KIRREL3: variants seen among roughly 807,000 people sequenced by gnomAD.
The protein encoded by KIRREL3 is kin of IRRE-like protein 3.
KIRREL3 carries 36 observed loss-of-function variants against 89.7 expected under a neutral mutation model. The observed-to-expected ratio is 0.40, with a 90% CI of 0.31 to 0.53. KIRREL3 has a LOEUF of 0.53. KIRREL3 is among the 20% of genes least tolerant of loss of function. The probability of loss-of-function intolerance (pLI) is 0.49; values close to 1 mark genes in which losing one functional copy is unlikely to be tolerated. For missense variants in KIRREL3, 864 were observed against 1,056.6 expected (o/e 0.82, Z 2.53); for synonymous variants, 445 against 441.4 (o/e 1.01, Z -0.10).
rs960530731 is a variant in KIRREL3 at position 126,909,298 on chromosome 11, G to A, written c.55+91157C>T. Among the ~76,000 whole-genome samples, 28 of 152,302 alleles carry A rather than the reference G, an allele frequency of 1.8e-4. No individual in the cohort carries two copies. Among genetic ancestry groups the A allele is most frequent in the African/African-American group, 6.7e-4 (28 of 41,576 alleles). On this transcript the variant is annotated intron_variant, in intron 1 of 16. Coordinates refer to ENST00000525144, the MANE Select transcript of KIRREL3 (RefSeq NM_032531.4). The surrounding 1 kb of genome is among the most constrained non-coding windows in gnomAD (Gnocchi z 4.5). Reference sequence around the variant, plus strand: ...GCCTGGGACTCTTTACATTATAAGTGTGTGGCCCTGGGATCAACTGTGGAC... The same window carrying A: ...GCCTGGGACTCTTTACATTATAAGTATGTGGCCCTGGGATCAACTGTGGAC...
intron 1 of KIRREL3, among the ~76,000 whole-genome samples, chr11:126,743,972 C>G (rs1949061617): frequency 6.6e-6 from 1 of 152,216 alleles, no homozygotes; most frequent in African/African-American, 2.4e-5. Context: ...TATATTTCTG[C>G]TTGGCTTCAT....
intron 2 of KIRREL3, among the ~76,000 whole-genome samples, chr11:126,533,568 G>A (rs925899197): frequency 1.3e-5 from 2 of 152,214 alleles, no homozygotes; most frequent in South Asian, 2.1e-4. Context: ...CTGAGAAGGT[G>A]AGCGCAGACC....
At chr11:126,982,087 A>C (rs1014314320) in intron 1 of KIRREL3, among the ~76,000 whole-genome samples, 7 of 152,168 alleles carry the variant, frequency 4.6e-5, no homozygotes, top group Non-Finnish European at 5.9e-5. Flanking sequence ...AGAGATCCAG[A>C]CCCAGCCTCA....
At position 126,496,039 on chromosome 11, in the gene KIRREL3, C is replaced by G. The variant is rs1289644796; in HGVS notation, c.434-22573G>C. Among the ~76,000 whole-genome samples the G allele has an allele frequency of 6.6e-6, 1 of 152,200 alleles. No homozygotes were observed. Among genetic ancestry groups the G allele is most frequent in the Non-Finnish European group, 1.5e-5 (1 of 68,038 alleles). ...TAGCCCAGGCAACAGACATGTGACCCCAGCCCCTCCTATGTCTGATTGCAG... is the reference window on the plus strand; with the variant it reads ...TAGCCCAGGCAACAGACATGTGACCGCAGCCCCTCCTATGTCTGATTGCAG... On this transcript the variant is annotated intron_variant, in intron 4 of 16. Coordinates refer to ENST00000525144, the MANE Select transcript of KIRREL3 (RefSeq NM_032531.4). The surrounding 1 kb of genome is among the most constrained non-coding windows in gnomAD (Gnocchi z 4.9).
At position 126,643,685 on chromosome 11, in the gene KIRREL3, C is replaced by T. The variant is rs1192831152; in HGVS notation, c.56-80773G>A. 5.9e-5 allele frequency among the ~76,000 whole-genome samples: 9 copies of T among 152,130 alleles called. No individual in the cohort carries two copies. The highest frequency in any genetic ancestry group is 7.3e-5 in the Non-Finnish European group (5 of 68,042). On this transcript the variant is annotated intron_variant, in intron 1 of 16. Coordinates refer to ENST00000525144, the MANE Select transcript of KIRREL3 (RefSeq NM_032531.4). The surrounding 1 kb of genome is among the most constrained non-coding windows in gnomAD (Gnocchi z 4.5). ...TGGCAACACAATGAGTAGGATTGTA[C>T]TGAAGATGAATTGGAGATAGGGAGA...
At chr11:126,502,465 A>T (rs942934957) in intron 4 of KIRREL3, among the ~76,000 whole-genome samples, 2 of 152,228 alleles carry the variant, frequency 1.3e-5, no homozygotes, top group African/African-American at 4.8e-5. Flanking sequence ...AATTCAATTA[A>T]GCCCTGGTTC....
Position 126,586,258 on chromosome 11 carries a change from C to T in KIRREL3, c.56-23346G>A, listed in dbSNP as rs543215369. Reference sequence around the variant, plus strand: ...CTCATGTGTCCTTGTTCATGAGGAACATAGAGCTAAAATCAATAAAAATCA... The same window carrying T: ...CTCATGTGTCCTTGTTCATGAGGAATATAGAGCTAAAATCAATAAAAATCA... On this transcript the variant is annotated intron_variant, in intron 1 of 16. Transcript: ENST00000525144. 1.8e-4 allele frequency among the ~76,000 whole-genome samples: 28 copies of T among 152,304 alleles called. No individual in the cohort carries two copies. The South Asian group carries it at 5.8e-3, about 32-fold the overall frequency.
At chr11:126,745,075 C>G (rs1949099789) in intron 1 of KIRREL3, among the ~76,000 whole-genome samples, 1 of 152,086 alleles carries the variant, frequency 6.6e-6, no homozygotes, top group Non-Finnish European at 1.5e-5. Flanking sequence ...CCTTCCACGC[C>G]AGGTATCACC....
intron 2 of KIRREL3, among the ~76,000 whole-genome samples, chr11:126,534,635 C>T (rs538254200): frequency 4.5e-4 from 69 of 152,254 alleles, no homozygotes; most frequent in East Asian, 3.5e-3. Context: ...CTGCAGGGGC[C>T]GAGAGAGCAC....
chr11:126,822,617 T>C (rs1033214120), intron 1 of KIRREL3, among the ~76,000 whole-genome samples: 2 of 152,370 alleles, frequency 1.3e-5, no homozygotes, highest in Non-Finnish European at 2.9e-5. Flanking sequence ...ACCACTATTA[T>C]AGCTCATAAT....
intron 4 of KIRREL3, among the ~76,000 whole-genome samples, chr11:126,488,440 G>A (rs1957423711): frequency 6.6e-6 from 1 of 152,254 alleles, no homozygotes; most frequent in African/African-American, 2.4e-5. Flanking sequence ...GATTAAAGGA[G>A]AAGATGTAGT....
intron 1 of KIRREL3, among the ~76,000 whole-genome samples, chr11:126,855,137 C>T (rs1944467448): frequency 6.6e-6 from 1 of 152,164 alleles, no homozygotes; most frequent in Non-Finnish European, 1.5e-5. Flanking sequence ...TGCTCTTAGC[C>T]CCTCCTGCAA....
At position 126,493,437 on chromosome 11, in the gene KIRREL3, C is replaced by T. The variant is rs544258164; in HGVS notation, c.434-19971G>A. On this transcript the variant is annotated intron_variant, in intron 4 of 16. Transcript: ENST00000525144. ...TTGGGAGGCTGAGGCGGATGGATCA[C>T]GAGGTCAGGAGATCGAGACCACCCT... is the stretch of plus-strand genomic sequence containing the variant. Among the ~76,000 whole-genome samples the T allele has an allele frequency of 5.4e-3, 816 of 152,036 alleles. 3 individuals carry two copies. Among genetic ancestry groups the T allele is most frequent in the Non-Finnish European group, 9.0e-3 (611 of 67,968 alleles).
intron 3 of KIRREL3, among the ~76,000 whole-genome samples, chr11:126,524,191 C>A (rs545692584): frequency 6.6e-6 from 1 of 152,312 alleles, no homozygotes; most frequent in East Asian, 1.9e-4. Flanking sequence ...TACTATGTGC[C>A]AGTCCCCATT....
chr11:126,885,573 TATC>T (rs146002608), intron 1 of KIRREL3, among the ~76,000 whole-genome samples: 3,416 of 152,346 alleles, frequency 0.022, 48 homozygotes, highest in South Asian at 0.031. Flanking sequence ...TCATCATCGT[TATC>T]ATCATCAAAG....
intron 1 of KIRREL3, among the ~76,000 whole-genome samples, chr11:126,757,482 G>A (rs1949542621): frequency 6.6e-6 from 1 of 152,106 alleles, no homozygotes; most frequent in Admixed American, 6.6e-5. Flanking sequence ...AAGGGCCCAG[G>A]AAAGTCACAT....
chr11:126,914,748 C>T lies in KIRREL3; in HGVS notation c.55+85707G>A, dbSNP rs534977160. On this transcript the variant is annotated intron_variant, in intron 1 of 16. Coordinates refer to ENST00000525144, the MANE Select transcript of KIRREL3 (RefSeq NM_032531.4). ...GTTTGAATGAAAATATCTTAGTGTA[C>T]AAATTATCACTTTACAATTAATTAT... 1.4e-4 allele frequency among the ~76,000 whole-genome samples: 21 copies of T among 152,322 alleles called. No homozygotes were observed. In the South Asian group the frequency reaches 4.4e-3, roughly 32 times the overall value.
At chr11:126,861,296 C>T (rs1197373356) in intron 1 of KIRREL3, among the ~76,000 whole-genome samples, 3 of 152,066 alleles carry the variant, frequency 2.0e-5, no homozygotes, top group Admixed American at 6.5e-5. Flanking sequence ...CAGCCAATCC[C>T]AGGCTAGAGG....
Position 126,744,210 on chromosome 11 carries a change from G to A in KIRREL3, c.56-181298C>T, listed in dbSNP as rs1949069050. Among the ~76,000 whole-genome samples the A allele has an allele frequency of 6.6e-6, 1 of 151,662 alleles. No homozygotes were observed. Among genetic ancestry groups the A allele is most frequent in the Admixed American group, 6.6e-5 (1 of 15,236 alleles). On this transcript the variant is annotated intron_variant, in intron 1 of 16. Coordinates refer to ENST00000525144, the MANE Select transcript of KIRREL3 (RefSeq NM_032531.4). The surrounding 1 kb of genome is among the most constrained non-coding windows in gnomAD (Gnocchi z 4.7). ...TGGGTGCCAGTCAAGGGACAAAATG[G>A]ACATTGGTTTGTCTTCTGAAACACA...
Sources: allele counts gnomAD v4.1 joint callset (sites outside exome capture counted in the v4.1 genomes callset), GRCh38; gene constraint gnomAD v4.1.1; non-coding constraint Gnocchi (gnomAD v3.1); transcripts MANE v1.5; gene names NCBI Gene and HGNC (gene_info 2026-07-23, HGNC 2026-07-21).